EPHB1: variants seen among roughly 807,000 people sequenced by gnomAD.
The protein encoded by EPHB1 is ephrin type-B receptor 1.
A neutral mutation model predicts 94.4 loss-of-function variants in EPHB1; 30 were observed. That is an observed-to-expected ratio of 0.32 (90% CI 0.24 to 0.43). The LOEUF (loss-of-function observed/expected upper bound fraction) is 0.43, where lower values mean the gene tolerates loss of function less well. Ranked by LOEUF, EPHB1 falls within the 20% of genes least tolerant of loss-of-function variation. The probability of loss-of-function intolerance (pLI) is 1.00; values close to 1 mark genes in which losing one functional copy is unlikely to be tolerated. For synonymous variants in EPHB1, 522 were observed against 489.1 expected (o/e 1.07, Z -0.89); for missense variants, 1,055 against 1,308.3 (o/e 0.81, Z 2.99).
At chr3:135,126,792 C>T (rs921831562) in intron 4 of EPHB1, among the ~76,000 whole-genome samples, 2 of 152,190 alleles carry the variant, frequency 1.3e-5, no homozygotes, top group African/African-American at 4.8e-5. Flanking sequence ...TTCACAGTTT[C>T]CAGCACTCCT....
chr3:134,976,642 A>C (rs776224936), intron 3 of EPHB1, among the ~76,000 whole-genome samples: 1 of 152,150 alleles, frequency 6.6e-6, no homozygotes, highest in Non-Finnish European at 1.5e-5. Flanking sequence ...TGTAACACCC[A>C]TCATGGCCCA....
intron 12 of EPHB1, among the ~76,000 whole-genome samples, chr3:135,202,533 T>C (rs971090507): frequency 1.3e-5 from 2 of 152,212 alleles, no homozygotes; most frequent in Non-Finnish European, 2.9e-5. Flanking sequence ...CTGGTGTCCC[T>C]TTCCTTTTGT....
intron 1 of EPHB1, among the ~76,000 whole-genome samples, chr3:134,906,457 G>T (rs1237302302): frequency 6.6e-6 from 1 of 152,030 alleles, no homozygotes; most frequent in Non-Finnish European, 1.5e-5. Flanking sequence ...TCTTTTAATT[G>T]TACAATAAAA....
chr3:134,840,921 C>G (rs2036764174), intron 1 of EPHB1, among the ~76,000 whole-genome samples: 2 of 152,206 alleles, frequency 1.3e-5, no homozygotes, highest in Non-Finnish European at 2.9e-5. Context: ...TCTGGATTGG[C>G]TCATCGCTGT....
In EPHB1 at chr3:134,939,797, G is replaced by A. The variant is rs76498576; in HGVS notation, c.124-11574G>A. Among the ~76,000 whole-genome samples the A allele has an allele frequency of 1.9e-3, 286 of 152,266 alleles. 3 individuals are homozygous for A. The East Asian group carries it at 0.027, about 15-fold the overall frequency. ...GCTCCAGTGGGCTTCTTGTTCACAG[G>A]GGCAGCCATCTCCCCGGATTGGGCA... On this transcript the variant is annotated intron_variant, in intron 2 of 15. Transcript: ENST00000398015.
intron 1 of EPHB1, among the ~76,000 whole-genome samples, chr3:134,916,683 C>T (rs550145044): frequency 5.4e-4 from 83 of 152,342 alleles, no homozygotes; most frequent in African/African-American, 1.8e-3. Flanking sequence ...CACGCCCACC[C>T]GGAACTGGCG....
chr3:135,154,559 C>T (rs1309833389), intron 6 of EPHB1, among the ~76,000 whole-genome samples: 2 of 152,180 alleles, frequency 1.3e-5, no homozygotes, highest in Non-Finnish European at 2.9e-5. Context: ...TTTCCAGTCA[C>T]ATGTTTGATA....
intron 1 of EPHB1, among the ~76,000 whole-genome samples, chr3:134,830,633 G>A (rs2036564415): frequency 6.6e-6 from 1 of 152,074 alleles, no homozygotes; most frequent in South Asian, 2.1e-4. Context: ...TTGGAAGGGG[G>A]TGCTTATTAT....
intron 1 of EPHB1, chr3:134,840,658 T>A (rs1378540296): frequency 1.3e-5 from 2 of 152,162 alleles, no homozygotes; most frequent in Non-Finnish European, 2.9e-5. Context: ...GAAAGAAAAT[T>A]TTATGAAGTT....
intron 11 of EPHB1, among the ~76,000 whole-genome samples, chr3:135,197,286 G>A (rs953270804): frequency 6.6e-6 from 1 of 152,106 alleles, no homozygotes. Flanking sequence ...ACTCTTGAAA[G>A]TCGCTGAGTA....
chr3:135,047,421 C>A (rs966747436), intron 3 of EPHB1, among the ~76,000 whole-genome samples: 1 of 152,174 alleles, frequency 6.6e-6, no homozygotes, highest in Admixed American at 6.5e-5. Flanking sequence ...AGGACCCATT[C>A]CCGTGACCCT....
chr3:134,875,156 A>C (rs1171744424), intron 1 of EPHB1, among the ~76,000 whole-genome samples: 2 of 152,126 alleles, frequency 1.3e-5, no homozygotes, highest in African/African-American at 4.8e-5. Flanking sequence ...GAGGGCCCTG[A>C]CTTGTTGTGC....
intron 1 of EPHB1, among the ~76,000 whole-genome samples, chr3:134,805,447 T>C (rs1268294581): frequency 6.6e-6 from 1 of 152,126 alleles, no homozygotes; most frequent in Admixed American, 6.5e-5. Context: ...TTAATCCTGG[T>C]CACACCACAG....
intron 1 of EPHB1, among the ~76,000 whole-genome samples, chr3:134,863,150 A>T (rs1056388255): frequency 6.6e-6 from 1 of 152,172 alleles, no homozygotes; most frequent in Non-Finnish European, 1.5e-5. Flanking sequence ...TTTCTGCCAC[A>T]GAGGTTTCCT....
intron 1 of EPHB1, among the ~76,000 whole-genome samples, chr3:134,834,609 A>G (rs572429080): frequency 6.6e-6 from 1 of 152,312 alleles, no homozygotes; most frequent in African/African-American, 2.4e-5. Flanking sequence ...TTTTATGTTC[A>G]GGACATGGCC....
chr3:135,127,455 A>G (rs2107685225), intron 4 of EPHB1, among the ~76,000 whole-genome samples: 2 of 152,206 alleles, frequency 1.3e-5, no homozygotes, highest in Middle Eastern at 3.4e-3. Flanking sequence ...ACCATCACCC[A>G]ATGGGGAGGG....
intron 9 of EPHB1, among the ~76,000 whole-genome samples, chr3:135,168,947 C>A (rs1386473844): frequency 1.3e-5 from 2 of 152,154 alleles, no homozygotes; most frequent in Non-Finnish European, 2.9e-5. Flanking sequence ...GCGTGCAAGC[C>A]AAGCCTTGGC....
At chr3:135,204,945 C>T (rs926721967) in intron 12 of EPHB1, among the ~76,000 whole-genome samples, 2 of 142,366 alleles carry the variant, frequency 1.4e-5, no homozygotes, top group African/African-American at 2.6e-5. Context: ...CCCCCTACCA[C>T]CACCCTTCCC....
intron 3 of EPHB1, among the ~76,000 whole-genome samples, chr3:134,957,196 A>C (rs971645426): frequency 6.6e-6 from 1 of 152,298 alleles, no homozygotes; most frequent in East Asian, 1.9e-4. Context: ...ACAAAGTGAC[A>C]TCCCCAGTTG....
Sources: gnomAD v4.1 joint callset for allele counts (sites outside exome capture counted in the v4.1 genomes callset) on GRCh38, gnomAD v4.1.1 for gene constraint, MANE v1.5 for transcripts, NCBI Gene and HGNC (gene_info 2026-07-23, HGNC 2026-07-21) for gene names.